GALNT13: variants seen among roughly 807,000 people sequenced by gnomAD.
The protein encoded by GALNT13 is polypeptide N-acetylgalactosaminyltransferase 13.
A neutral mutation model predicts 64.2 loss-of-function variants in GALNT13; 28 were observed. The observed-to-expected ratio is 0.44, with a 90% CI of 0.32 to 0.60. The LOEUF is 0.60. Ranked by LOEUF, GALNT13 falls within the 20% of genes least tolerant of loss-of-function variation. The pLI is 0.05. For missense variants in GALNT13, 577 were observed against 669.8 expected, an observed-to-expected ratio of 0.86 and a Z score of 1.53; for synonymous variants, 214 against 224.6, an observed-to-expected ratio of 0.95 and a Z score of 0.42.
At chr2:153,807,107 A>ATTTT in the GALNT13 span, among the ~76,000 whole-genome samples, 1 of 151,976 alleles carries the variant, frequency 6.6e-6, no homozygotes, top group Non-Finnish European at 1.5e-5. Flanking sequence ...CAATCCGTGT[A>ATTTT]GTAACAGCAC....
rs1404793485 is a variant in GALNT13, at chr2:154,017,025, C to CT, written c.142+72393dup. 1.1e-4 allele frequency among the ~76,000 whole-genome samples: 17 copies of CT among 152,024 alleles called. 1 individual carries two copies. On this transcript the variant is annotated intron_variant, in intron 3 of 12. Coordinates refer to ENST00000392825, the MANE Select transcript of GALNT13 (RefSeq NM_052917.4). The stretch of plus-strand genomic sequence containing the variant: ...ATACAGTATGTGAACAGAAAGTAGT[C>CT]TTTTTTTCCTCTGGAAGATTAACAT...
chr2:153,514,614 C>G, the GALNT13 span, among the ~76,000 whole-genome samples: 1 of 152,170 alleles, frequency 6.6e-6, no homozygotes, highest in African/African-American at 2.4e-5. Flanking sequence ...CTCCTCCGCA[C>G]TCTCCATCAT....
intron 1 of GALNT13, among the ~76,000 whole-genome samples, chr2:153,887,931 CAG>C (rs2105259860): frequency 6.6e-6 from 1 of 152,074 alleles, no homozygotes; most frequent in East Asian, 1.9e-4. Flanking sequence ...TTTAAAGACA[CAG>C]ATTTTATTTT....
chr2:154,375,004 G>A (rs1697902056), intron 9 of GALNT13, among the ~76,000 whole-genome samples: 1 of 151,950 alleles, frequency 6.6e-6, no homozygotes, highest in Admixed American at 6.6e-5. Flanking sequence ...TGTTGTTGTT[G>A]TTGAGACAGA....
chr2:153,696,663 C>T, the GALNT13 span, among the ~76,000 whole-genome samples: 1 of 152,108 alleles, frequency 6.6e-6, no homozygotes, highest in Non-Finnish European at 1.5e-5. Flanking sequence ...TAGTCATTCT[C>T]TCTCTTCTCT....
chr2:153,968,972 T>TC (rs397709704), intron 3 of GALNT13, among the ~76,000 whole-genome samples: 1 of 151,922 alleles, frequency 6.6e-6, no homozygotes, highest in Non-Finnish European at 1.5e-5. Context: ...TTTTAGTTTT[T>TC]TCACATTGAA....
At chr2:153,734,493 C>T in the GALNT13 span, among the ~76,000 whole-genome samples, 2 of 152,162 alleles carry the variant, frequency 1.3e-5, no homozygotes, top group Admixed American at 6.5e-5. Flanking sequence ...GATAAATTTG[C>T]ATACAGAAGC....
At chr2:153,330,323 G>A in the GALNT13 span, among the ~76,000 whole-genome samples, 4 of 152,214 alleles carry the variant, frequency 2.6e-5, no homozygotes, top group Non-Finnish European at 2.9e-5. Context: ...AAATGATGTT[G>A]GTAGTTTGAT....
At chr2:154,087,672 T>A (rs1039920696) in intron 3 of GALNT13, among the ~76,000 whole-genome samples, 1 of 152,078 alleles carries the variant, frequency 6.6e-6, no homozygotes, top group African/African-American at 2.4e-5. Flanking sequence ...TAGTATAAAA[T>A]CAATAACTTT....
the GALNT13 span, among the ~76,000 whole-genome samples, chr2:153,793,680 C>T: frequency 0.088 from 13,262 of 151,420 alleles, 636 homozygotes; most frequent in Middle Eastern, 0.14. Flanking sequence ...CTAGAAAATG[C>T]CCTTCCCATA....
intron 3 of GALNT13, among the ~76,000 whole-genome samples, chr2:154,091,587 G>A (rs1315134940): frequency 6.6e-6 from 1 of 151,574 alleles, no homozygotes; most frequent in East Asian, 1.9e-4. Context: ...TTAAATGTAT[G>A]CCTTTGTTAG....
At chr2:154,417,200 TA>T (rs1294386800) in intron 11 of GALNT13, among the ~76,000 whole-genome samples, 3 of 150,902 alleles carry the variant, frequency 2.0e-5, no homozygotes, top group Non-Finnish European at 4.4e-5. Context: ...AGCCTGTCCC[TA>T]TCTTCATTCC....
chr2:154,005,053 G>A (rs1387622620), intron 3 of GALNT13, among the ~76,000 whole-genome samples: 2 of 152,006 alleles, frequency 1.3e-5, no homozygotes, highest in Admixed American at 6.6e-5. Flanking sequence ...ACCTTATTTT[G>A]TGCATGTTTC....
At chr2:154,375,571 G>T (rs1014394987) in intron 9 of GALNT13, among the ~76,000 whole-genome samples, 4 of 152,036 alleles carry the variant, frequency 2.6e-5, no homozygotes, top group Middle Eastern at 3.2e-3. Flanking sequence ...CAAGAACGTG[G>T]ACACTAATGC....
chr2:153,316,647 A>G, the GALNT13 span, among the ~76,000 whole-genome samples: 2 of 151,282 alleles, frequency 1.3e-5, no homozygotes, highest in South Asian at 4.2e-4. Flanking sequence ...CTCAAAAAAA[A>G]AAAAAAAAAA....
the GALNT13 span, among the ~76,000 whole-genome samples, chr2:153,441,047 C>G: frequency 1.8e-4 from 27 of 152,142 alleles, no homozygotes; most frequent in African/African-American, 6.5e-4. Flanking sequence ...AATGGTATTG[C>G]CTAGGTTCTT....
the GALNT13 span, among the ~76,000 whole-genome samples, chr2:153,538,244 A>C: frequency 6.6e-6 from 1 of 151,274 alleles, no homozygotes; most frequent in African/African-American, 2.4e-5. Context: ...CCCCTGCCCT[A>C]GAGATCTGTG....
chr2:154,399,154 G>A (rs918087976), intron 10 of GALNT13, among the ~76,000 whole-genome samples: 1 of 152,030 alleles, frequency 6.6e-6, no homozygotes. Flanking sequence ...GTGTTGGCAG[G>A]TGCCCATGGT....
At chr2:153,495,136 A>C in the GALNT13 span, among the ~76,000 whole-genome samples, 1 of 152,172 alleles carries the variant, frequency 6.6e-6, no homozygotes, top group Non-Finnish European at 1.5e-5. Flanking sequence ...AAAACTAAAA[A>C]GAATATACTA....
Sources: gnomAD v4.1 joint callset for allele counts (sites outside exome capture counted in the v4.1 genomes callset) on GRCh38, gnomAD v4.1.1 for gene constraint, MANE v1.5 for transcripts, NCBI Gene and HGNC (gene_info 2026-07-23, HGNC 2026-07-21) for gene names.